The following PCDHA1 variants were observed in gnomAD, a reference collection of about 807,000 sequenced individuals.
PCDHA1 encodes protocadherin alpha 1, also known as protocadherin alpha-1.
Under a neutral mutation model 61.3 loss-of-function variants are expected in PCDHA1, and 42 were observed. The ratio of observed to expected loss-of-function variants is 0.69; its 90% CI spans 0.54 to 0.89. PCDHA1 has a LOEUF of 0.89. Among genes scored for constraint, PCDHA1 ranks in the 40% least tolerant of loss-of-function variants. PCDHA1 has a pLI of 0.00. For missense variants in PCDHA1, 1,256 were observed against 1,235.3 expected, an observed-to-expected ratio of 1.02 and a Z score of -0.25; for synonymous variants, 610 against 553.8, an observed-to-expected ratio of 1.10 and a Z score of -1.43.
intron 1 of PCDHA1, chr5:140,808,970 C>T: frequency 6.2e-7 from 1 of 1,613,572 alleles, no homozygotes; most frequent in South Asian, 1.1e-5. Flanking sequence ...GGCAAAGGTG[C>T]GCGCGGTGGA....
intron 1 of PCDHA1, chr5:140,835,991 C>T (rs781942603): frequency 1.2e-6 from 2 of 1,613,268 alleles, no homozygotes; most frequent in Non-Finnish European, 1.7e-6. Context: ...TCCAGGTGAG[C>T]GCGCGCGATG....
At chr5:140,885,176 G>A (rs965470861) in intron 1 of PCDHA1, among the ~76,000 whole-genome samples, 1 of 151,510 alleles carries the variant, frequency 6.6e-6, no homozygotes. Context: ...TGTCCTCTAG[G>A]CACATCAGTG....
At chr5:140,953,932 C>T (rs1005245846) in intron 1 of PCDHA1, among the ~76,000 whole-genome samples, 1 of 152,060 alleles carries the variant, frequency 6.6e-6, no homozygotes, top group Admixed American at 6.6e-5. Flanking sequence ...CTGATGCTCT[C>T]CCTCCCATTG....
At chr5:140,948,735 A>C (rs756182090) in intron 1 of PCDHA1, among the ~76,000 whole-genome samples, 3 of 151,562 alleles carry the variant, frequency 2.0e-5, no homozygotes, top group Non-Finnish European at 4.4e-5. Flanking sequence ...AGTCTAGCTG[A>C]GAATTTATCA....
At chr5:140,860,205 A>G (rs1007227708) in intron 1 of PCDHA1, 2 of 149,744 alleles carry the variant, frequency 1.3e-5, no homozygotes, top group East Asian at 3.9e-4. Flanking sequence ...ATATATCTAT[A>G]TATGTACTTA....
intron 1 of PCDHA1, among the ~76,000 whole-genome samples, chr5:140,901,931 C>G (rs2068990642): frequency 6.6e-6 from 1 of 151,430 alleles, no homozygotes; most frequent in Non-Finnish European, 1.5e-5. Context: ...TGGTTAATTC[C>G]TAGGTATATT....
At chr5:140,807,630 T>C (rs1763993145) in intron 1 of PCDHA1, 1 of 1,614,088 alleles carries the variant, frequency 6.2e-7, no homozygotes, top group African/African-American at 1.3e-5. Flanking sequence ...TCCAGGCCGC[T>C]TGACTCTCGG....
intron 1 of PCDHA1, among the ~76,000 whole-genome samples, chr5:140,971,377 T>C (rs2096474353): frequency 6.6e-6 from 1 of 152,210 alleles, no homozygotes; most frequent in African/African-American, 2.4e-5. Flanking sequence ...AGTGCATGAC[T>C]TTAATAAAGG....
chr5:140,807,023 A>G (rs1763831749), intron 1 of PCDHA1: 3 of 827,224 alleles, frequency 3.6e-6, no homozygotes, highest in South Asian at 3.6e-5. Flanking sequence ...ACATGAGAGA[A>G]GGAGGAAGAA....
At chr5:140,882,566 G>C in intron 1 of PCDHA1, 2 of 1,614,252 alleles carry the variant, frequency 1.2e-6, no homozygotes, top group Non-Finnish European at 8.5e-7. Flanking sequence ...TGGGCGGAGC[G>C]CGGAGTGCAG....
chr5:140,870,736 A>G lies in PCDHA1; in HGVS notation c.2394+82052A>G, dbSNP rs201357017. ...GCGCGATGCGGGCGTGCCGCCTCTG[A>G]GCAGCAACGTGACGCTGCAGGTGTT... On this transcript the variant is annotated intron_variant, in intron 1 of 3. Transcript: ENST00000504120. 8.7e-4 allele frequency: 1,399 copies of G among 1,613,426 alleles called. 10 individuals carry two copies. In the African/African-American group the frequency reaches 0.015, roughly 17 times the overall value.
chr5:141,000,421 A>T (rs4912737), intron 3 of PCDHA1, among the ~76,000 whole-genome samples: 2,503 of 28,048 alleles, frequency 0.089, 337 homozygotes, highest in East Asian at 0.098. Flanking sequence ...ATATATATAT[A>T]TTTTTTTTTT....
chr5:140,883,997 G>A, intron 1 of PCDHA1: 1 of 1,613,014 alleles, frequency 6.2e-7, no homozygotes, highest in Non-Finnish European at 8.5e-7. Context: ...GGGAGGCACA[G>A]TGAGCGAGCT....
chr5:140,871,657 T>A, intron 1 of PCDHA1: 1 of 1,228,196 alleles, frequency 8.1e-7, no homozygotes, highest in Non-Finnish European at 1.1e-6. Context: ...ATGATACACA[T>A]CTTCAGTCTT....
At chr5:140,946,591 AATAG>A (rs1237639683) in intron 1 of PCDHA1, among the ~76,000 whole-genome samples, 7 of 119,490 alleles carry the variant, frequency 5.9e-5, no homozygotes, top group African/African-American at 2.9e-4. Flanking sequence ...ATAGTGGATG[AATAG>A]ATAAAGAAAA....
In PCDHA1 at chr5:140,928,308, C is replaced by T. The variant is rs1554205728; in HGVS notation, c.2395-50641C>T. On this transcript the variant is annotated intron_variant, in intron 1 of 3. Transcript: ENST00000504120. The stretch of plus-strand genomic sequence containing the variant: ...TAGGCCGAGTGTTTGCCCAGGACCC[C>T]GACCTGGGGAAGAATGGCCTTGTCT... 3.7e-6 allele frequency: 6 copies of T among 1,614,008 alleles called. No individual in the cohort carries two copies. The South Asian group carries it at 5.5e-5, about 15-fold the overall frequency.
chr5:140,872,816 T>C (rs1204141018), intron 1 of PCDHA1, among the ~76,000 whole-genome samples: 2 of 152,190 alleles, frequency 1.3e-5, no homozygotes, highest in African/African-American at 4.8e-5. Context: ...GTTTTTCAGA[T>C]TCATCTAGCA....
intron 1 of PCDHA1, chr5:140,884,756 T>A: frequency 7.0e-7 from 1 of 1,427,108 alleles, no homozygotes; most frequent in Admixed American, 3.0e-5. Flanking sequence ...TTTCAAATTA[T>A]TCTTTACTTT....
intron 1 of PCDHA1, among the ~76,000 whole-genome samples, chr5:140,976,501 A>G (rs568983330): frequency 6.6e-6 from 1 of 152,240 alleles, no homozygotes; most frequent in East Asian, 1.9e-4. Context: ...CAGGGAGCCA[A>G]GATCGCGCCA....
Sources: gnomAD v4.1 joint callset for allele counts (sites outside exome capture counted in the v4.1 genomes callset) on GRCh38, gnomAD v4.1.1 for gene constraint, MANE v1.5 for transcripts, NCBI Gene and HGNC (gene_info 2026-07-23, HGNC 2026-07-21) for gene names.